Variants in EXOC2 observed in about 807,000 individuals in gnomAD.
EXOC2 encodes the protein SEC5-like 1.
EXOC2 carries 70 observed loss-of-function variants against 131.8 expected under a neutral mutation model. The ratio of observed to expected loss-of-function variants is 0.53; its 90% CI spans 0.44 to 0.65. The LOEUF (loss-of-function observed/expected upper bound fraction) is 0.65, where lower values mean the gene tolerates loss of function less well. Ranked by LOEUF, EXOC2 falls within the 30% of genes least tolerant of loss-of-function variation. EXOC2 has a pLI of 0.00. For synonymous variants in EXOC2, 411 were observed against 398.4 expected (o/e 1.03, Z -0.38); for missense variants, 923 against 1,108.6 (o/e 0.83, Z 2.38).
rs769597411 is a variant in EXOC2 at position 633,000 on chromosome 6, T to G, written c.236A>C (p.Lys79Thr). 26 of 1,614,074 alleles carry G rather than the reference T, an allele frequency of 1.6e-5. No homozygotes were observed. Among genetic ancestry groups the G allele is most frequent in the Non-Finnish European group, 2.1e-5 (25 of 1,180,022 alleles). Residue 79 changes from lysine to threonine, a missense_variant, in exon 3 of 28, where the codon AAG becomes ACG. Coordinates refer to ENST00000230449, the MANE Select transcript of EXOC2 (RefSeq NM_018303.6). ...TGTTGAGGTTCCTCTGCCACCTGAC[T>G]TAGTGGTGACAATAATGTCTCCTTT... ...NDKGDIIVTT[K>T]SGGRGTSTVS...
At chr6:648,662 G>A (rs1762687523) in intron 1 of EXOC2, among the ~76,000 whole-genome samples, 1 of 149,916 alleles carries the variant, frequency 6.7e-6, no homozygotes, top group Admixed American at 6.7e-5. Context: ...AAGCACTAAG[G>A]AATAAAGTGA....
At chr6:610,708 A>G (rs1760670093) in intron 6 of EXOC2, among the ~76,000 whole-genome samples, 3 of 152,238 alleles carry the variant, frequency 2.0e-5, no homozygotes, top group Admixed American at 2.0e-4. Flanking sequence ...GAAAATTCTG[A>G]GTAAATTCGG....
chr6:646,043 C>A (rs1762565179), intron 1 of EXOC2, among the ~76,000 whole-genome samples: 1 of 152,194 alleles, frequency 6.6e-6, no homozygotes, highest in Non-Finnish European at 1.5e-5. Flanking sequence ...ATCAATTTGG[C>A]TCTGTCTGAT....
intron 22 of EXOC2, among the ~76,000 whole-genome samples, chr6:541,994 G>A (rs1364926944): frequency 6.6e-6 from 1 of 152,064 alleles, no homozygotes; most frequent in African/African-American, 2.4e-5. Context: ...ATACTGAGTG[G>A]GAAAACAAAG....
At chr6:559,603 T>C (rs1397225868) in intron 17 of EXOC2, among the ~76,000 whole-genome samples, 1 of 152,146 alleles carries the variant, frequency 6.6e-6, no homozygotes, top group African/African-American at 2.4e-5. Context: ...GTGTGAGAGA[T>C]CAAACATGAA....
At chr6:628,262 C>T (rs1761679231) in intron 4 of EXOC2, among the ~76,000 whole-genome samples, 1 of 152,198 alleles carries the variant, frequency 6.6e-6, no homozygotes, top group African/African-American at 2.4e-5. Flanking sequence ...TTGCCCCACA[C>T]AAAATCAAAC....
chr6:612,784 A>G (rs1581554401), intron 6 of EXOC2, among the ~76,000 whole-genome samples: 1 of 150,966 alleles, frequency 6.6e-6, no homozygotes, highest in Non-Finnish European at 1.5e-5. Flanking sequence ...CGCAGGGAGG[A>G]ACATGCGTAA....
intron 10 of EXOC2, among the ~76,000 whole-genome samples, chr6:596,673 C>T (rs1285815966): frequency 2.0e-5 from 3 of 152,122 alleles, no homozygotes; most frequent in African/African-American, 4.8e-5. Flanking sequence ...GTTCCTGAGA[C>T]ATTATTTTCA....
rs1217552498 is a variant in EXOC2, at chr6:657,155, G to A, written c.-43-19294C>T. 21 of 408,658 alleles carry A rather than the reference G, an allele frequency of 5.1e-5. No homozygotes were observed. In the Admixed American group the frequency reaches 6.5e-4, roughly 13 times the overall value. 25.3% of individuals were successfully genotyped at this position (408,658 alleles called of 1,614,324 possible). ...GCCACGGAAGGGCCTCCCAACGCCC[G>A]TTCTCACCTTCCCTCCAGCCCTCTC... On this transcript the variant is annotated intron_variant, in intron 1 of 27. Transcript: ENST00000230449.
intron 7 of EXOC2, among the ~76,000 whole-genome samples, 193 bp from the exon 8 acceptor site, chr6:599,418 G>A (rs1464555145): frequency 6.6e-6 from 1 of 152,090 alleles, no homozygotes; most frequent in Non-Finnish European, 1.5e-5. Context: ...CTTTTCATAT[G>A]TTAAGAATGG....
chr6:671,430 G>C (rs900274008), intron 1 of EXOC2, among the ~76,000 whole-genome samples: 1 of 151,902 alleles, frequency 6.6e-6, no homozygotes, highest in Admixed American at 6.6e-5. Flanking sequence ...GTATCATTCA[G>C]CATGAATGTG....
intron 25 of EXOC2, 42 bp from the exon 26 acceptor site, chr6:491,228 T>C (rs1387867821): frequency 6.3e-7 from 1 of 1,598,568 alleles, no homozygotes; most frequent in African/African-American, 1.3e-5. Context: ...GGAAAATTTA[T>C]ATTATCAAAT....
At chr6:490,313 C>T (rs1415651889) in intron 26 of EXOC2, among the ~76,000 whole-genome samples, 1 of 152,142 alleles carries the variant, frequency 6.6e-6, no homozygotes, top group African/African-American at 2.4e-5. Flanking sequence ...TGCACACATC[C>T]AACATGGGCT....
chr6:585,909 T>C (rs1759179973), intron 11 of EXOC2, among the ~76,000 whole-genome samples: 1 of 152,242 alleles, frequency 6.6e-6, no homozygotes, highest in Admixed American at 6.5e-5. Flanking sequence ...GTGTTAGTAG[T>C]CTAAGTACAG....
rs563227770 is a variant in EXOC2, at chr6:487,739, T to TA, written c.2682-976dup. Among the ~76,000 whole-genome samples the TA allele has an allele frequency of 5.8e-4, 88 of 152,256 alleles. No homozygotes were observed. In the East Asian group the frequency reaches 0.011, roughly 18 times the overall value. ...TAATTTTTAAAGCTAGGAAGGATCT[T>TA]AGAGTTTTCCTGGTTTGGATGCAGC... is the stretch of plus-strand genomic sequence containing the variant. On this transcript the variant is annotated intron_variant, in intron 27 of 27. Transcript: ENST00000230449.
chr6:612,237 C>T (rs887930739), intron 6 of EXOC2, among the ~76,000 whole-genome samples: 1 of 152,230 alleles, frequency 6.6e-6, no homozygotes, highest in Non-Finnish European at 1.5e-5. Context: ...CGGCCTCTAT[C>T]ACATATTCTT....
intron 10 of EXOC2, among the ~76,000 whole-genome samples, chr6:592,892 T>C (rs999138822): frequency 1.3e-4 from 20 of 151,892 alleles, no homozygotes; most frequent in African/African-American, 4.6e-4. Context: ...TAGCCAAGTG[T>C]GTTGGTGCAA....
intron 25 of EXOC2, 22 bp downstream of exon 25, chr6:497,345 T>C: frequency 1.2e-6 from 2 of 1,609,168 alleles, no homozygotes; most frequent in Non-Finnish European, 1.7e-6. Flanking sequence ...AAGTTCAATA[T>C]GAAATTGAAT....
chr6:692,906 G>A (rs930706536), intron 1 of EXOC2, 113 bp downstream of exon 1: 2 of 152,350 alleles, frequency 1.3e-5, no homozygotes, highest in African/African-American at 4.8e-5. Flanking sequence ...CAGTGGGCGC[G>A]GCTGTCCCTT....
Sources: gnomAD v4.1 joint callset for allele counts (sites outside exome capture counted in the v4.1 genomes callset) on GRCh38, gnomAD v4.1.1 for gene constraint, MANE v1.5 for transcripts, NCBI Gene and HGNC (gene_info 2026-07-23, HGNC 2026-07-21) for gene names.